Variants in PDZD2 observed in about 807,000 individuals in gnomAD.
PDZD2 encodes the protein PDZ domain-containing protein 2.
In PDZD2, 90 loss-of-function variants were observed where a neutral mutation model predicts 220.7. The ratio of observed to expected loss-of-function variants is 0.41; its 90% CI spans 0.34 to 0.49. The LOEUF is 0.49. PDZD2 is among the 20% of genes least tolerant of loss of function. PDZD2 has a pLI of 0.28. For synonymous variants in PDZD2, 1,375 were observed against 1,450.5 expected (o/e 0.95, Z 1.18); for missense variants, 3,174 against 3,608.5 (o/e 0.88, Z 3.08).
chr5:31,775,849 C>T (rs1284772606), intron 1 of PDZD2, among the ~76,000 whole-genome samples: 1 of 152,070 alleles, frequency 6.6e-6, no homozygotes, highest in Non-Finnish European at 1.5e-5. Flanking sequence ...TTAAAAGAGG[C>T]TGAGCTTTGT....
At chr5:31,912,179 G>T (rs960387199) in intron 2 of PDZD2, among the ~76,000 whole-genome samples, 8 of 152,172 alleles carry the variant, frequency 5.3e-5, no homozygotes, top group Non-Finnish European at 1.2e-4. Context: ...TAGTCTAGAG[G>T]CTGGGAAGTC....
intron 23 of PDZD2, chr5:32,100,359 C>A (rs1371342842): frequency 5.4e-6 from 1 of 183,990 alleles, no homozygotes; most frequent in African/African-American, 2.4e-5. Context: ...TCAACTCTGA[C>A]GTCCTTGGCT....
At chr5:31,737,328 A>G (rs538516904) in intron 1 of PDZD2, among the ~76,000 whole-genome samples, 9 of 151,622 alleles carry the variant, frequency 5.9e-5, no homozygotes, top group East Asian at 5.9e-4. Flanking sequence ...GCCCACCACC[A>G]CGCCCAGCTA....
At chr5:31,711,181 T>C (rs1163410910) in intron 1 of PDZD2, among the ~76,000 whole-genome samples, 1 of 152,154 alleles carries the variant, frequency 6.6e-6, no homozygotes, top group Non-Finnish European at 1.5e-5. Flanking sequence ...GGTCAAGGGA[T>C]CTGGACTGCC....
intron 2 of PDZD2, among the ~76,000 whole-genome samples, chr5:31,967,636 G>A (rs1003647180): frequency 1.3e-5 from 2 of 152,170 alleles, no homozygotes; most frequent in Non-Finnish European, 2.9e-5. Context: ...GGCGTTGATA[G>A]TAGCCTCTTC....
chr5:31,657,772 AG>A (rs569398608), intron 1 of PDZD2, among the ~76,000 whole-genome samples: 330 of 152,292 alleles, frequency 2.2e-3, no homozygotes, highest in Non-Finnish European at 3.8e-3. Flanking sequence ...TGAGGAGGCC[AG>A]GGACAGAGTG....
Position 31,714,281 on chromosome 5 carries a change from T to C in PDZD2, c.-361+74844T>C, listed in dbSNP as rs191939076. On this transcript the variant is annotated intron_variant, in intron 1 of 24. Coordinates refer to ENST00000438447, the MANE Select transcript of PDZD2 (RefSeq NM_178140.4). Reference sequence around the variant, plus strand: ...AGGTACCCCCAGAGGCTGGTTCTGATTGAGGTTGTCAGGCAACCAGGGCTG... The same window carrying C: ...AGGTACCCCCAGAGGCTGGTTCTGACTGAGGTTGTCAGGCAACCAGGGCTG... 1.2e-3 allele frequency among the ~76,000 whole-genome samples: 184 copies of C among 152,302 alleles called. 2 individuals are homozygous for C. Among genetic ancestry groups the C allele is most frequent in the African/African-American group, 4.1e-3 (172 of 41,568 alleles).
intron 9 of PDZD2, among the ~76,000 whole-genome samples, chr5:32,053,143 G>A (rs1349573499): frequency 6.6e-6 from 1 of 152,154 alleles, no homozygotes; most frequent in African/African-American, 2.4e-5. Flanking sequence ...TTGCTCCTAC[G>A]ATGTAAGGAG....
In PDZD2 at chr5:31,747,185, A is replaced by AT. The variant is rs563114112; in HGVS notation, c.-360-51697dup. On this transcript the variant is annotated intron_variant, in intron 1 of 24. Transcript: ENST00000438447. ...GCAAGACTCCATCTCAAAATAAATA[A>AT]TTTTTTTAAAAGTTTTACAGGTCAT... Among the ~76,000 whole-genome samples, 7 of 152,246 alleles carry AT rather than the reference A, an allele frequency of 4.6e-5. No individual in the cohort carries two copies. The South Asian group carries it at 1.5e-3, about 32-fold the overall frequency.
chr5:31,737,375 T>C (rs1007767009), intron 1 of PDZD2, among the ~76,000 whole-genome samples: 23 of 152,022 alleles, frequency 1.5e-4, no homozygotes, highest in Non-Finnish European at 2.6e-4. Context: ...GGTTTCACCG[T>C]GTTAGCCAGG....
At chr5:31,949,668 C>CTTTTTTTTT in intron 2 of PDZD2, among the ~76,000 whole-genome samples, 1 of 127,902 alleles carries the variant, frequency 7.8e-6, no homozygotes, top group Non-Finnish European at 1.6e-5. Context: ...CCATTTTTAG[C>CTTTTTTTTT]TTTTTTTTTT....
rs747721697 is a variant in PDZD2, at chr5:32,101,196, G to A, written c.8310G>A (p.Ser2770=). ...LGLSLDGGKS[S]VTGDGPLVIK... ...TGAGTCTGGATGGGGGAAAATCATC[G>A]GTGACGGGAGATGGGCCCTTGGTCA... Residue 2770 remains serine, a synonymous_variant, in exon 24 of 25, where the codon TCG becomes TCA. Transcript: ENST00000438447. 29 of 1,613,918 alleles carry A rather than the reference G, an allele frequency of 1.8e-5. No individual in the cohort carries two copies. The South Asian group carries it at 1.9e-4, about 10-fold the overall frequency.
intron 2 of PDZD2, among the ~76,000 whole-genome samples, chr5:31,807,283 G>C (rs13184489): frequency 6.6e-6 from 1 of 152,078 alleles, no homozygotes; most frequent in South Asian, 2.1e-4. Context: ...CAAAGAATGC[G>C]GGCCTCGGAG....
chr5:31,785,352 C>CAT (rs1366851875), intron 1 of PDZD2, among the ~76,000 whole-genome samples: 2 of 148,216 alleles, frequency 1.3e-5, no homozygotes, highest in Admixed American at 1.4e-4. Flanking sequence ...TTTCCCAGCC[C>CAT]ATATATATAT....
At chr5:31,911,589 AC>A (rs1430794030) in intron 2 of PDZD2, among the ~76,000 whole-genome samples, 2 of 152,176 alleles carry the variant, frequency 1.3e-5, no homozygotes, top group Non-Finnish European at 2.9e-5. Flanking sequence ...CTGGCTGCAA[AC>A]AACAGAAATT....
intron 8 of PDZD2, among the ~76,000 whole-genome samples, chr5:32,050,813 ACT>A (rs1197303673): frequency 1.3e-5 from 2 of 151,908 alleles, no homozygotes; most frequent in East Asian, 1.9e-4. Context: ...AGAGTGAGAG[ACT>A]CTGTCTTAAA....
At chr5:32,076,264 T>A (rs1581433043) in intron 18 of PDZD2, among the ~76,000 whole-genome samples, 1 of 126,514 alleles carries the variant, frequency 7.9e-6, no homozygotes, top group Non-Finnish European at 1.6e-5. Flanking sequence ...CCAGCCTGGG[T>A]GACAGAGCAA....
At chr5:31,758,326 G>T (rs569769351) in intron 1 of PDZD2, among the ~76,000 whole-genome samples, 1 of 152,180 alleles carries the variant, frequency 6.6e-6, no homozygotes, top group Non-Finnish European at 1.5e-5. Flanking sequence ...AAAGAGTGCC[G>T]ATGGCACTGG....
chr5:31,698,069 A>ATT lies in PDZD2; in HGVS notation c.-361+58641_-361+58642dup, dbSNP rs150188542. 2.8e-4 allele frequency among the ~76,000 whole-genome samples: 40 copies of ATT among 145,372 alleles called. 1 individual carries two copies. The highest frequency in any genetic ancestry group is 1.5e-3 in the East Asian group (7 of 4,742). ...AGTTGCGTGCCACCGCACCCAGCTA[A>ATT]TTTTTTTTTTGTATTTTTTAGTAGA... On this transcript the variant is annotated intron_variant, in intron 1 of 24. Coordinates refer to ENST00000438447, the MANE Select transcript of PDZD2 (RefSeq NM_178140.4).
Sources: allele counts gnomAD v4.1 joint callset (sites outside exome capture counted in the v4.1 genomes callset), GRCh38; gene constraint gnomAD v4.1.1; transcripts MANE v1.5; gene names NCBI Gene and HGNC (gene_info 2026-07-23, HGNC 2026-07-21).